Variants in NXPH1 observed in about 807,000 individuals in gnomAD.
The protein encoded by NXPH1 is neurexophilin-1.
Under a neutral mutation model 23.7 loss-of-function variants are expected in NXPH1, and 5 were observed. The observed-to-expected ratio is 0.21, with a 90% CI of 0.11 to 0.44. NXPH1 has a LOEUF of 0.44. Among genes scored for constraint, NXPH1 ranks in the 20% least tolerant of loss-of-function variants. The pLI is 0.99. For missense variants in NXPH1, 324 were observed against 321.6 expected (o/e 1.01, Z -0.06); for synonymous variants, 144 against 122.2 (o/e 1.18, Z -1.18).
At chr7:8,468,150 TAATC>T (rs1057255644) in intron 2 of NXPH1, among the ~76,000 whole-genome samples, 4 of 152,054 alleles carry the variant, frequency 2.6e-5, no homozygotes, top group Admixed American at 6.6e-5. Flanking sequence ...ATAGAATAAA[TAATC>T]AATATAAATG....
chr7:8,593,218 T>C (rs1444465749), intron 2 of NXPH1, among the ~76,000 whole-genome samples: 2 of 151,314 alleles, frequency 1.3e-5, no homozygotes, highest in Non-Finnish European at 2.9e-5. Flanking sequence ...ACAGGAATGA[T>C]GGACTTACAG....
intron 2 of NXPH1, among the ~76,000 whole-genome samples, chr7:8,582,480 T>C (rs1286826516): frequency 1.3e-5 from 2 of 152,142 alleles, no homozygotes; most frequent in African/African-American, 4.8e-5. Context: ...ATGTAGCTCC[T>C]TTCTTCAAGC....
intron 2 of NXPH1, among the ~76,000 whole-genome samples, chr7:8,658,683 A>G (rs1361991338): frequency 6.6e-6 from 1 of 152,232 alleles, no homozygotes; most frequent in African/African-American, 2.4e-5. Flanking sequence ...ATTTATAAAA[A>G]CAATATGTAG....
chr7:8,682,396 G>T (rs1340508086), intron 2 of NXPH1, among the ~76,000 whole-genome samples: 1 of 152,108 alleles, frequency 6.6e-6, no homozygotes, highest in Non-Finnish European at 1.5e-5. Context: ...GCTGATTTGG[G>T]CTATATGCCT....
intron 2 of NXPH1, among the ~76,000 whole-genome samples, chr7:8,546,618 C>T (rs566194157): frequency 6.6e-6 from 1 of 151,416 alleles, no homozygotes; most frequent in South Asian, 2.1e-4. Flanking sequence ...AGTTCTCAAA[C>T]CACTAACTTA....
intron 2 of NXPH1, among the ~76,000 whole-genome samples, chr7:8,559,800 A>C (rs1327270884): frequency 6.6e-6 from 1 of 151,696 alleles, no homozygotes; most frequent in Admixed American, 6.6e-5. Context: ...GTGTCACTTA[A>C]TACAGAATGA....
At chr7:8,534,384 G>C (rs1817994910) in intron 2 of NXPH1, among the ~76,000 whole-genome samples, 1 of 152,108 alleles carries the variant, frequency 6.6e-6, no homozygotes, top group African/African-American at 2.4e-5. Flanking sequence ...TTTACTACTA[G>C]GTTGAAAACG....
intron 2 of NXPH1, among the ~76,000 whole-genome samples, chr7:8,554,370 G>C (rs768838831): frequency 6.6e-6 from 1 of 151,596 alleles, no homozygotes; most frequent in African/African-American, 2.4e-5. Context: ...TATGGTGGGA[G>C]ATTGACTCAC....
chr7:8,599,773 A>C (rs1348716099), intron 2 of NXPH1, among the ~76,000 whole-genome samples: 1 of 150,220 alleles, frequency 6.7e-6, no homozygotes, highest in Non-Finnish European at 1.5e-5. Flanking sequence ...ACACTTGTTC[A>C]TAACTTGTGC....
chr7:8,712,151 G>C (rs963624341), intron 2 of NXPH1, among the ~76,000 whole-genome samples: 1 of 152,188 alleles, frequency 6.6e-6, no homozygotes, highest in Non-Finnish European at 1.5e-5. Context: ...CTAGATTCAA[G>C]CATCTTTATG....
rs186285457 is a variant in NXPH1 at position 8,746,468 on chromosome 7, T to C, written c.55-4540T>C. On this transcript the variant is annotated intron_variant, in intron 2 of 2. Transcript: ENST00000405863. ...CAAATAATTCATTGCATTTGGAAGC[T>C]AAGCTGTTTAATAACAAAGGATGAG... Among the ~76,000 whole-genome samples, 3 of 152,326 alleles carry C rather than the reference T, an allele frequency of 2.0e-5. No homozygotes were observed. The East Asian group carries it at 5.8e-4, about 29-fold the overall frequency.
intron 2 of NXPH1, among the ~76,000 whole-genome samples, chr7:8,748,194 TG>T (rs1165857941): frequency 6.6e-6 from 1 of 152,226 alleles, no homozygotes; most frequent in Non-Finnish European, 1.5e-5. Context: ...GCAACGATTT[TG>T]CTGTTATTAG....
chr7:8,584,787 T>C (rs1027947456), intron 2 of NXPH1, among the ~76,000 whole-genome samples: 3 of 152,242 alleles, frequency 2.0e-5, no homozygotes, highest in Non-Finnish European at 2.9e-5. Flanking sequence ...ACAATCCTTT[T>C]GTGTCCAAGG....
At chr7:8,514,578 C>CTG (rs147735906) in intron 2 of NXPH1, among the ~76,000 whole-genome samples, 130 of 152,224 alleles carry the variant, frequency 8.5e-4, no homozygotes, top group Non-Finnish European at 1.5e-3. Context: ...CCCCCATGTG[C>CTG]TGTGTGTGTC....
chr7:8,587,606 G>C (rs560349524), intron 2 of NXPH1, among the ~76,000 whole-genome samples: 1 of 152,134 alleles, frequency 6.6e-6, no homozygotes, highest in African/African-American at 2.4e-5. Flanking sequence ...ATCTACATTG[G>C]GTATTTCTCC....
At chr7:8,503,924 A>G (rs1418546984) in intron 2 of NXPH1, among the ~76,000 whole-genome samples, 3 of 152,022 alleles carry the variant, frequency 2.0e-5, no homozygotes. Context: ...CCCTCAGTTC[A>G]GCCTGCAAAG....
At chr7:8,631,998 T>C (rs1820139487) in intron 2 of NXPH1, among the ~76,000 whole-genome samples, 1 of 152,284 alleles carries the variant, frequency 6.6e-6, no homozygotes, top group South Asian at 2.1e-4. Flanking sequence ...GTGTAGGTTA[T>C]AGGGTATTCT....
At chr7:8,489,571 T>G (rs1434355877) in intron 2 of NXPH1, among the ~76,000 whole-genome samples, 3 of 152,078 alleles carry the variant, frequency 2.0e-5, no homozygotes, top group African/African-American at 7.2e-5. Flanking sequence ...CATGAGACCC[T>G]GGGCTGTGCA....
chr7:8,628,919 T>C (rs1053519780), intron 2 of NXPH1, among the ~76,000 whole-genome samples: 3 of 151,370 alleles, frequency 2.0e-5, no homozygotes, highest in African/African-American at 7.3e-5. Flanking sequence ...AAGCCTCATG[T>C]ATCTCACTAT....
Sources: allele counts gnomAD v4.1 joint callset (sites outside exome capture counted in the v4.1 genomes callset), GRCh38; gene constraint gnomAD v4.1.1; transcripts MANE v1.5; gene names NCBI Gene and HGNC (gene_info 2026-07-23, HGNC 2026-07-21).